Variants in CERS2 observed in about 807,000 individuals in gnomAD.
CERS2 encodes LAG1 homolog, ceramide synthase 2.
CERS2 carries 20 observed loss-of-function variants against 56.6 expected under a neutral mutation model. The ratio of observed to expected loss-of-function variants is 0.35; its 90% CI spans 0.25 to 0.51. The LOEUF is 0.51. CERS2 is among the 20% of genes least tolerant of loss of function. The probability of loss-of-function intolerance (pLI) is 0.96; values close to 1 mark genes in which losing one functional copy is unlikely to be tolerated. For missense variants in CERS2, 361 were observed against 488.6 expected (o/e 0.74, Z 2.46); for synonymous variants, 187 against 175.4 (o/e 1.07, Z -0.52).
At chr1:150,969,463 T>G in intron 1 of CERS2, 1 of 205,338 alleles carries the variant, frequency 4.9e-6, no homozygotes, top group Non-Finnish European at 1.0e-5. Flanking sequence ...TAGTCCCAGC[T>G]ACTCAGGAGG....
intron 1 of CERS2, chr1:150,973,851 T>G (rs1671243989): frequency 6.6e-6 from 1 of 152,242 alleles, no homozygotes. Context: ...GAGCTAGGCT[T>G]AGGGAGGGAG....
At chr1:150,969,570 C>CAAA (rs5777746) in intron 1 of CERS2, among the ~76,000 whole-genome samples, 7 of 119,348 alleles carry the variant, frequency 5.9e-5, no homozygotes, top group African/African-American at 1.0e-4. Flanking sequence ...GAGACTGTCT[C>CAAA]AAAAAAAAAA....
chr1:150,971,834 G>C (rs1671187902), intron 1 of CERS2: 1 of 470,956 alleles, frequency 2.1e-6, no homozygotes, highest in Admixed American at 2.4e-5. Context: ...CGAGAAATCA[G>C]CCTGACCCAG....
chr1:150,966,347 TTCTC>T, intron 10 of CERS2, 59 bp from the exon 11 acceptor site: 1 of 1,599,638 alleles, frequency 6.3e-7, no homozygotes, highest in Admixed American at 1.8e-5. Flanking sequence ...TAAGTACTGC[TTCTC>T]TCTGAGGGCT....
intron 10 of CERS2, 39 bp downstream of exon 10, chr1:150,966,435 TAG>T (rs1671018454): frequency 3.7e-6 from 6 of 1,610,412 alleles, no homozygotes; most frequent in Non-Finnish European, 5.1e-6. Flanking sequence ...CAGGAAGTTG[TAG>T]AGAGTAGTAA....
At chr1:150,969,171 G>T in intron 1 of CERS2, 80 bp from the exon 2 acceptor site, 1 of 1,257,242 alleles carries the variant, frequency 8.0e-7, no homozygotes, top group Non-Finnish European at 1.1e-6. Context: ...TTTTCAGGAT[G>T]TATCAAAAGG....
In CERS2 at chr1:150,965,472, G is replaced by C. The variant is rs587737538; in HGVS notation, c.*676C>G. 4.8e-4 allele frequency: 67 copies of C among 138,516 alleles called. No homozygotes were observed. The highest frequency in any genetic ancestry group is 1.6e-3 in the African/African-American group (63 of 39,478). 8.6% of individuals were successfully genotyped at this position (138,516 alleles called of 1,614,324 possible). The stretch of plus-strand genomic sequence containing the variant: ...GCCTAGCTGAAGAGAAGAGGGAAGG[G>C]GGAAGAGGCCAGAGAAAGGAGGAGG... On this transcript the variant is annotated 3_prime_UTR_variant, in exon 11 of 11. Coordinates refer to ENST00000368954, the MANE Select transcript of CERS2 (RefSeq NM_022075.5).
intron 1 of CERS2, among the ~76,000 whole-genome samples, chr1:150,973,734 G>T (rs1209057730): frequency 6.6e-6 from 1 of 152,196 alleles, no homozygotes; most frequent in Non-Finnish European, 1.5e-5. Context: ...GGCCTGCTCG[G>T]ACTCACTTCT....
At chr1:150,966,731 G>T (rs1469323897) in intron 9 of CERS2, 25 bp downstream of exon 9, 1 of 1,604,862 alleles carries the variant, frequency 6.2e-7, no homozygotes, top group Admixed American at 1.7e-5. Flanking sequence ...TTCAGAACAG[G>T]AGTGTAGCCT....
chr1:150,969,078 A>C lies in CERS2; in HGVS notation c.13T>G (p.Leu5Val). 1 of 1,614,000 alleles carries C rather than the reference A, an allele frequency of 6.2e-7. No homozygotes were observed. The highest frequency in any genetic ancestry group is 8.5e-7 in the Non-Finnish European group (1 of 1,180,022). The change falls in exon 2 of 11, where the codon TTG becomes GTG. Residue 5 changes from leucine to valine, a missense_variant. This residue lies in a region of CERS2 where 236 missense variants were observed against 309.2 expected (regional missense o/e 0.76). Coordinates refer to ENST00000368954, the MANE Select transcript of CERS2 (RefSeq NM_022075.5). ...CGTTCCCACCAGAAGTAATCATACA[A>C]GGTCTGGAGCATCCTGAGTGAGGGG... MLQT[L>V]YDYFWWERLW...
At chr1:150,966,932 A>G (rs1671040793) in intron 8 of CERS2, 70 bp from the exon 9 acceptor site, 1 of 1,424,390 alleles carries the variant, frequency 7.0e-7, no homozygotes, top group Non-Finnish European at 9.9e-7. Flanking sequence ...TGTACACTCC[A>G]GTTAGGAGCA....
At position 150,968,387 on chromosome 1, in the gene CERS2, G is replaced by C. The variant is rs780191276; in HGVS notation, c.291+8C>G. 1 of 1,605,964 alleles carries C rather than the reference G, an allele frequency of 6.2e-7. No homozygotes were observed. Among genetic ancestry groups the C allele is most frequent in the Non-Finnish European group, 8.5e-7 (1 of 1,172,520 alleles). ...ATTCCCAGAGCCAGAGCAGCATGCG[G>C]CTCATACCTGCTTGGGCTGCTTGCC... On this transcript the variant is annotated splice_region_variant and intron_variant, in intron 3 of 10. Coordinates refer to ENST00000368954, the MANE Select transcript of CERS2 (RefSeq NM_022075.5).
At chr1:150,972,242 GC>G (rs887243871) in intron 1 of CERS2, among the ~76,000 whole-genome samples, 2 of 152,198 alleles carry the variant, frequency 1.3e-5, no homozygotes, top group African/African-American at 4.8e-5. Flanking sequence ...GAGGTTGCAG[GC>G]TTCCCATGAC....
At chr1:150,968,279 CTCAG>C (rs1671080937) in intron 3 of CERS2, 78 bp from the exon 4 acceptor site, 2 of 1,497,712 alleles carry the variant, frequency 1.3e-6, no homozygotes, top group Admixed American at 3.4e-5. Flanking sequence ...CAGTAACAAC[CTCAG>C]TCAGCACCAC....
At position 150,966,060 on chromosome 1, in the gene CERS2, C is replaced by T. The variant is rs1050845471; in HGVS notation, c.*88G>A. 10 of 1,333,200 alleles carry T rather than the reference C, an allele frequency of 7.5e-6. No homozygotes were observed. Among genetic ancestry groups the T allele is most frequent in the Middle Eastern group, 2.5e-4 (1 of 4,022 alleles). 82.6% of individuals were successfully genotyped at this position (1,333,200 alleles called of 1,614,324 possible). A position where few individuals can be genotyped will look rare whatever the true frequency, so the allele number is the denominator to read the frequency against. ...CTCTCCTCTCACTTTCTCCTTTTTC[C>T]CCAGAGCTTAAAGTGACCCTATAGC... is the stretch of plus-strand genomic sequence containing the variant. On this transcript the variant is annotated 3_prime_UTR_variant, in exon 11 of 11. Coordinates refer to ENST00000368954, the MANE Select transcript of CERS2 (RefSeq NM_022075.5).
chr1:150,972,344 A>T (rs955423865), intron 1 of CERS2, among the ~76,000 whole-genome samples: 1 of 152,202 alleles, frequency 6.6e-6, no homozygotes, highest in Non-Finnish European at 1.5e-5. Context: ...CAGCAGGGTC[A>T]GGACCTCTGA....
intron 1 of CERS2, among the ~76,000 whole-genome samples, chr1:150,973,598 C>T (rs1435611705): frequency 6.6e-6 from 1 of 152,230 alleles, no homozygotes; most frequent in Non-Finnish European, 1.5e-5. Flanking sequence ...CAAGTCCTTA[C>T]CCTTAGGAGC....
rs1173038415 is a variant in CERS2, at chr1:150,968,064, C to G, written c.410+19G>C. ...CAGGATATTCCTTGTCACCCAGCTT[C>G]TGCCCCAGCCTCCCCCACCTGGCTT... On this transcript the variant is annotated intron_variant, in intron 4 of 10. Coordinates refer to ENST00000368954, the MANE Select transcript of CERS2 (RefSeq NM_022075.5). The G allele has an allele frequency of 1.9e-6, 3 of 1,603,422 alleles. No homozygotes were observed. The highest frequency in any genetic ancestry group is 2.6e-6 in the Non-Finnish European group (3 of 1,173,922).
chr1:150,967,513 C>G, intron 6 of CERS2, 29 bp from the exon 7 acceptor site: 1 of 1,459,676 alleles, frequency 6.9e-7, no homozygotes, highest in Non-Finnish European at 9.6e-7. Flanking sequence ...GTAAGAGCAA[C>G]CAGCCGCAAG....
Sources: gnomAD v4.1 joint callset for allele counts (sites outside exome capture counted in the v4.1 genomes callset) on GRCh38, gnomAD v4.1.1 for gene constraint, gnomAD v4.1.1 regional missense constraint, MANE v1.5 for transcripts, NCBI Gene and HGNC (gene_info 2026-07-23, HGNC 2026-07-21) for gene names.